Variants in SNED1 observed in about 807,000 individuals in gnomAD.
The protein encoded by SNED1 is sushi, nidogen and EGF like domains 1, also known as sushi, nidogen and EGF-like domain-containing protein 1.
SNED1 carries 81 observed loss-of-function variants against 166.7 expected under a neutral mutation model. The observed-to-expected ratio is 0.49, with a 90% CI of 0.41 to 0.58. The LOEUF (loss-of-function observed/expected upper bound fraction) is 0.58. SNED1 is among the 20% of genes least tolerant of loss of function. The pLI, the probability that SNED1 is intolerant of heterozygous loss-of-function variation, is 0.00. For synonymous variants in SNED1, 762 were observed against 822.0 expected (o/e 0.93, Z 1.25); for missense variants, 1,604 against 2,000.2 (o/e 0.80, Z 3.78).
intron 2 of SNED1, 107 bp downstream of exon 2, chr2:241,030,678 TC>T: frequency 8.4e-7 from 1 of 1,187,880 alleles, no homozygotes; most frequent in Non-Finnish European, 1.2e-6. Context: ...CAGTCACTGG[TC>T]CATACCCAAG....
rs147432822 is a variant in SNED1 at position 241,066,310 on chromosome 2, C to T, written c.3010+715C>T. 7.1e-4 allele frequency among the ~76,000 whole-genome samples: 108 copies of T among 152,226 alleles called. 1 individual carries two copies. In the Middle Eastern group the frequency reaches 0.01, roughly 14 times the overall value. On this transcript the variant is annotated intron_variant, in intron 21 of 31. Coordinates refer to ENST00000310397, the MANE Select transcript of SNED1 (RefSeq NM_001080437.3). ...CTCTAGGGAAGGCGTCAGGGCTTAG[C>T]GGGCTTGTGTGCTGCTGGGAGGGAT... is the stretch of plus-strand genomic sequence containing the variant.
chr2:241,071,423 C>T (rs1029487234), intron 24 of SNED1, 153 bp from the exon 25 acceptor site: 1 of 851,940 alleles, frequency 1.2e-6, no homozygotes, highest in Non-Finnish European at 1.8e-6. Context: ...CTGGGGAAGC[C>T]ACAAGCACCT....
In SNED1 at chr2:241,082,413, G is replaced by A. The variant is rs773335144; in HGVS notation, c.4121+49G>A. The A allele has an allele frequency of 3.4e-6, 5 of 1,459,804 alleles. No individual in the cohort carries two copies. In the East Asian group the frequency reaches 9.2e-5, roughly 27 times the overall value. The allele number at this position is 1,459,804 out of a possible 1,614,324, so 90.4% of individuals were successfully genotyped here. A position where few individuals can be genotyped will look rare whatever the true frequency, so the allele number is the denominator to read the frequency against. ...CTTACCGCATTTGTCGTGTGTTCTT[G>A]ACTCCTCAAAGTGCTGTCTCAAAGC... On this transcript the variant is annotated intron_variant, in intron 29 of 31. Coordinates refer to ENST00000310397, the MANE Select transcript of SNED1 (RefSeq NM_001080437.3).
At position 241,094,371 on chromosome 2, in the gene SNED1, G is replaced by A. The variant is rs1010207812; in HGVS notation, c.*2735G>A. ...GTGGCGATGTGGACGGAGTCACCGAGCTGCTTTTCTTTTGCAAAACAAAAG... is the reference window on the plus strand; with the variant it reads ...GTGGCGATGTGGACGGAGTCACCGAACTGCTTTTCTTTTGCAAAACAAAAG... On this transcript the variant is annotated 3_prime_UTR_variant, in exon 32 of 32. Transcript: ENST00000310397. This position sits in a 1 kb window ranked among gnomAD's most constrained non-coding sequence, Gnocchi z 4.3. The A allele has an allele frequency of 8.5e-6, 4 of 470,688 alleles. No homozygotes were observed. The East Asian group carries it at 2.8e-4, about 33-fold the overall frequency. The allele number at this position is 470,688 out of a possible 1,614,324, so 29.2% of individuals were successfully genotyped here.
At chr2:241,057,458 C>T (rs1035130200) in intron 16 of SNED1, among the ~76,000 whole-genome samples, 1 of 145,450 alleles carries the variant, frequency 6.9e-6, no homozygotes, top group African/African-American at 2.6e-5. Flanking sequence ...CAAGGCAAGA[C>T]GATCATTTGA....
At chr2:241,037,417 G>A in intron 6 of SNED1, 64 bp downstream of exon 6, 1 of 1,138,190 alleles carries the variant, frequency 8.8e-7, no homozygotes, top group Non-Finnish European at 1.3e-6. Context: ...AGACACAGCT[G>A]GACAAGGCTG....
At chr2:241,088,308 A>G in intron 30 of SNED1, 57 bp from the exon 31 acceptor site, 2 of 1,258,572 alleles carry the variant, frequency 1.6e-6, no homozygotes, top group South Asian at 1.2e-5. Flanking sequence ...AGGTAGCTGT[A>G]GAATTCAAGG....
intron 6 of SNED1, 31 bp from the exon 7 acceptor site, chr2:241,040,044 C>A: frequency 1.3e-6 from 2 of 1,503,710 alleles, no homozygotes; most frequent in South Asian, 1.2e-5. Context: ...AACTGGGAGT[C>A]CATCGTCCTG....
chr2:241,025,421 G>T (rs1407489708), intron 1 of SNED1, among the ~76,000 whole-genome samples: 1 of 152,066 alleles, frequency 6.6e-6, no homozygotes, highest in African/African-American at 2.4e-5. Context: ...TCACTACCAA[G>T]TTCATTTATA....
intron 18 of SNED1, 42 bp from the exon 19 acceptor site, chr2:241,063,970 T>A: frequency 2.2e-6 from 3 of 1,361,838 alleles, no homozygotes; most frequent in Non-Finnish European, 3.0e-6. Flanking sequence ...TCCCCCAGAC[T>A]CCCCCCTTGC....
rs1189888006 is a variant in SNED1 at position 241,051,844 on chromosome 2, G to A, written c.1836G>A (p.Gly612=). The change falls in exon 13 of 32, where the codon GGG becomes GGA. Residue 612 remains glycine (G), a synonymous_variant. Transcript: ENST00000310397. The surrounding 1 kb of genome is among the most constrained non-coding windows in gnomAD (Gnocchi z 4.7). ...YHCSCPYRFT[G]RHCEIGKPDS... is the part of the protein sequence containing the mutation. The stretch of plus-strand genomic sequence containing the variant: ...GCAGCTGCCCCTACCGCTTCACTGG[G>A]AGGCACTGTGAGATCGGTGCGGCCC... The A allele has an allele frequency of 1.9e-6, 3 of 1,556,470 alleles. No homozygotes were observed. In the East Asian group the frequency reaches 7.1e-5, roughly 37 times the overall value.
At chr2:241,045,870 G>T (rs897162645) in intron 8 of SNED1, among the ~76,000 whole-genome samples, 2 of 152,128 alleles carry the variant, frequency 1.3e-5, no homozygotes, top group Admixed American at 1.3e-4. Context: ...AAAAAGACAA[G>T]CTACAGACCA....
At position 241,027,085 on chromosome 2, in the gene SNED1, T is replaced by C. The variant is rs541221239; in HGVS notation, c.214-3199T>C. Among the ~76,000 whole-genome samples, 122 of 59,432 alleles carry C rather than the reference T, an allele frequency of 2.1e-3. 1 individual carries two copies. The Middle Eastern group carries it at 0.037, about 18-fold the overall frequency. The allele number at this position is 59,432 out of a possible 152,430, so 39.0% of individuals were successfully genotyped here. ...TGTAACCTATGACAGATTTCCCTAC[T>C]TTTTTTTTTTTTAAAGACAGGGTCT... is the stretch of plus-strand genomic sequence containing the variant. On this transcript the variant is annotated intron_variant, in intron 1 of 31. Coordinates refer to ENST00000310397, the MANE Select transcript of SNED1 (RefSeq NM_001080437.3).
intron 1 of SNED1, among the ~76,000 whole-genome samples, chr2:241,002,518 G>C (rs2106528599): frequency 6.6e-6 from 1 of 152,258 alleles, no homozygotes; most frequent in South Asian, 2.1e-4. Flanking sequence ...CTGCTGCCTG[G>C]GTGTGACGGA....
In SNED1 at chr2:241,073,700, G is replaced by A. The variant is rs968275010; in HGVS notation, c.3916+336G>A. Reference sequence around the variant, plus strand: ...AGCCCACCCCAGCCCCTGCCTCTGGGCCCCTCACCCCTCACTTCTCCAAAG... The same window carrying A: ...AGCCCACCCCAGCCCCTGCCTCTGGACCCCTCACCCCTCACTTCTCCAAAG... On this transcript the variant is annotated intron_variant, in intron 27 of 31. Coordinates refer to ENST00000310397, the MANE Select transcript of SNED1 (RefSeq NM_001080437.3). The surrounding 1 kb of genome is among the most constrained non-coding windows in gnomAD (Gnocchi z 6.6). 8 of 459,242 alleles carry A rather than the reference G, an allele frequency of 1.7e-5. No homozygotes were observed. The highest frequency in any genetic ancestry group is 2.7e-5 in the Non-Finnish European group (7 of 259,436). The allele number at this position is 459,242 out of a possible 1,614,324, so 28.4% of individuals were successfully genotyped here. A position where few individuals can be genotyped will look rare whatever the true frequency, so the allele number is the denominator to read the frequency against.
intron 1 of SNED1, among the ~76,000 whole-genome samples, chr2:241,005,961 G>C: frequency 6.6e-6 from 1 of 151,942 alleles, no homozygotes; most frequent in East Asian, 1.9e-4. Flanking sequence ...AAAAATCTCA[G>C]CCATCTTCAC....
intron 12 of SNED1, chr2:241,050,188 G>A: frequency 1.8e-6 from 1 of 551,358 alleles, no homozygotes. Flanking sequence ...TGCCTGCTCA[G>A]CATTTTTCCA....
intron 1 of SNED1, among the ~76,000 whole-genome samples, chr2:241,019,543 G>A (rs1478705809): frequency 6.6e-6 from 1 of 152,230 alleles, no homozygotes; most frequent in Admixed American, 6.5e-5. Context: ...TCTGTCAGGA[G>A]ACTTTAGCCT....
chr2:241,034,790 G>A (rs963716411), intron 4 of SNED1, 60 bp downstream of exon 4: 3 of 1,472,376 alleles, frequency 2.0e-6, no homozygotes, highest in Non-Finnish European at 2.7e-6. Context: ...GTTGATGGCA[G>A]AGGAGAGGTG....
Sources: allele counts gnomAD v4.1 joint callset (sites outside exome capture counted in the v4.1 genomes callset), GRCh38; gene constraint gnomAD v4.1.1; non-coding constraint Gnocchi (gnomAD v3.1); transcripts MANE v1.5; gene names NCBI Gene and HGNC (gene_info 2026-07-23, HGNC 2026-07-21).